The following AKAP12 variants were observed in gnomAD, a reference collection of about 807,000 sequenced individuals.
AKAP12 encodes A-kinase anchor protein 12.
In AKAP12, 32 loss-of-function variants were observed where a neutral mutation model predicts 79.9. The observed-to-expected ratio is 0.40, with a 90% CI of 0.30 to 0.54. AKAP12 has a LOEUF of 0.54. AKAP12 is among the 20% of genes least tolerant of loss of function. The pLI, the probability that AKAP12 is intolerant of heterozygous loss-of-function variation, is 0.48. For synonymous variants in AKAP12, 808 were observed against 857.0 expected, an observed-to-expected ratio of 0.94 and a Z score of 1.00; for missense variants, 2,074 against 2,177.0, an observed-to-expected ratio of 0.95 and a Z score of 0.94.
chr6:151,240,456 C>A lies in AKAP12; in HGVS notation c.-107C>A, dbSNP rs547194713. Reference sequence around the variant, plus strand: ...GCAGTCGGCTGGCGGCGAAGGAAGGCGCTCTCGGGACCTCGCGGGCGCGCG... The same window carrying A: ...GCAGTCGGCTGGCGGCGAAGGAAGGAGCTCTCGGGACCTCGCGGGCGCGCG... On this transcript the variant is annotated 5_prime_UTR_variant, in exon 2 of 5. Coordinates refer to ENST00000402676, the MANE Select transcript of AKAP12 (RefSeq NM_005100.4). 1.4e-4 allele frequency: 168 copies of A among 1,223,436 alleles called. 1 individual carries two copies. The South Asian group carries it at 2.9e-3, about 21-fold the overall frequency. 75.8% of individuals were successfully genotyped at this position (1,223,436 alleles called of 1,614,324 possible).
At chr6:151,247,357 T>C (rs1797095065) in intron 2 of AKAP12, among the ~76,000 whole-genome samples, 1 of 152,062 alleles carries the variant, frequency 6.6e-6, no homozygotes, top group Admixed American at 6.5e-5. Flanking sequence ...GCTATGATCA[T>C]GCTACTGCAC....
rs1467570413 is a variant in AKAP12 at position 151,358,130 on chromosome 6, A to G, written c.*2416A>G. 2 of 152,236 alleles carry G rather than the reference A, an allele frequency of 1.3e-5. No individual in the cohort carries two copies. Among genetic ancestry groups the G allele is most frequent in the Non-Finnish European group, 2.9e-5 (2 of 68,034 alleles). 9.4% of individuals were successfully genotyped at this position (152,236 alleles called of 1,614,324 possible). On this transcript the variant is annotated 3_prime_UTR_variant, in exon 5 of 5. Coordinates refer to ENST00000402676, the MANE Select transcript of AKAP12 (RefSeq NM_005100.4). ...GTAGCATGAAATATAATACTGTTTT[A>G]TAATTCTAAAGCTGCTGTTAATTTA...
chr6:151,315,843 C>T (rs1334031391), intron 3 of AKAP12, among the ~76,000 whole-genome samples: 1 of 152,130 alleles, frequency 6.6e-6, no homozygotes, highest in Non-Finnish European at 1.5e-5. Flanking sequence ...GCAAACACAT[C>T]CTTCTTCACA....
chr6:151,320,943 G>A (rs1312597789), intron 3 of AKAP12, among the ~76,000 whole-genome samples: 1 of 151,688 alleles, frequency 6.6e-6, no homozygotes, highest in Admixed American at 6.6e-5. Flanking sequence ...TCACAGAGTT[G>A]TATAACCACC....
At chr6:151,256,926 G>A (rs1335677997) in intron 2 of AKAP12, among the ~76,000 whole-genome samples, 5 of 134,958 alleles carry the variant, frequency 3.7e-5, no homozygotes, top group Admixed American at 1.4e-4. Context: ...TGGGATTACA[G>A]GCGTGAGCCA....
intron 2 of AKAP12, among the ~76,000 whole-genome samples, chr6:151,258,172 A>G (rs954063076): frequency 1.9e-4 from 29 of 152,360 alleles, no homozygotes; most frequent in Admixed American, 1.2e-3. Context: ...CGCTCCTGCA[A>G]TGAATACTGG....
Position 151,351,870 on chromosome 6 carries a change from C to G in AKAP12, c.3479C>G (p.Pro1160Arg). The G allele has an allele frequency of 6.2e-7, 1 of 1,614,100 alleles. No homozygotes were observed. Among genetic ancestry groups the G allele is most frequent in the Non-Finnish European group, 8.5e-7 (1 of 1,180,036 alleles). The change falls in exon 4 of 5, where the codon CCT (proline) becomes CGT (arginine). Residue 1160 changes from proline to arginine, a missense_variant. Transcript: ENST00000402676. The surrounding 1 kb of genome is among the most constrained non-coding windows in gnomAD (Gnocchi z 4.4). ...ATGGTGATGGAACAGGCTATCCCCC[C>G]TGACTCGGTGGAAACCCCTACAGAC... ...QEMVMEQAIP[P>R]DSVETPTDSE...
chr6:151,325,782 C>T (rs954313267), intron 3 of AKAP12: 1 of 1,610,600 alleles, frequency 6.2e-7, no homozygotes, highest in South Asian at 1.1e-5. Context: ...CTGCGGTTGG[C>T]AGGCAGGAGA....
At chr6:151,274,956 T>G (rs1776261257) in intron 2 of AKAP12, among the ~76,000 whole-genome samples, 1 of 151,918 alleles carries the variant, frequency 6.6e-6, no homozygotes, top group African/African-American at 2.4e-5. Context: ...ATATAAAAAT[T>G]AACCAGGCCT....
chr6:151,335,250 T>G (rs1250763368), intron 3 of AKAP12, among the ~76,000 whole-genome samples: 1 of 152,188 alleles, frequency 6.6e-6, no homozygotes, highest in Non-Finnish European at 1.5e-5. Flanking sequence ...TTTTAAAGTC[T>G]TCTACAATTT....
chr6:151,330,273 G>C (rs1448867379), intron 3 of AKAP12, among the ~76,000 whole-genome samples: 1 of 152,192 alleles, frequency 6.6e-6, no homozygotes. Context: ...GAGCAACAGA[G>C]CAAGACCCTG....
chr6:151,259,472 A>G (rs13195277), intron 2 of AKAP12, among the ~76,000 whole-genome samples: 7,374 of 72,456 alleles, frequency 0.1, 227 homozygotes, highest in East Asian at 0.19. Flanking sequence ...ATATACATGT[A>G]TATATATATA....
At chr6:151,273,915 G>A (rs1425547763) in intron 2 of AKAP12, among the ~76,000 whole-genome samples, 1 of 152,040 alleles carries the variant, frequency 6.6e-6, no homozygotes, top group East Asian at 1.9e-4. Flanking sequence ...TGTAATCCCA[G>A]CTACTCGGGA....
chr6:151,350,252 A>T lies in AKAP12; in HGVS notation c.1861A>T (p.Lys621Ter). ...ATTCAAAAAGATGGTGACGCCCAAG[A>T]AGCGTGTTAGACGGCCTTCGGAAAG... ...ASFKKMVTPK[K>*]RVRRPSESDK... The change falls in exon 4 of 5, where the codon AAG (lysine) becomes TAG (stop). Residue 621 changes from lysine (K) to a stop codon, truncating the protein, a stop_gained. Coordinates refer to ENST00000402676, the MANE Select transcript of AKAP12 (RefSeq NM_005100.4). LOFTEE classifies it high-confidence loss of function. This position sits in a 1 kb window ranked among gnomAD's most constrained non-coding sequence, Gnocchi z 4.8. The T allele has an allele frequency of 1.9e-6, 3 of 1,614,034 alleles. No individual in the cohort carries two copies. The highest frequency in any genetic ancestry group is 2.5e-6 in the Non-Finnish European group (3 of 1,179,994).
At chr6:151,280,479 T>C (rs1014207177) in intron 2 of AKAP12, 1 of 152,250 alleles carries the variant, frequency 6.6e-6, no homozygotes, top group Admixed American at 6.5e-5. Context: ...GCTTAATGCA[T>C]TCAGCTTTCA....
At chr6:151,247,179 G>T (rs1797092203) in intron 2 of AKAP12, among the ~76,000 whole-genome samples, 1 of 151,986 alleles carries the variant, frequency 6.6e-6, no homozygotes, top group East Asian at 1.9e-4. Context: ...AAGAAGGGAG[G>T]ATCACTTGAG....
intron 2 of AKAP12, among the ~76,000 whole-genome samples, chr6:151,255,758 C>G (rs1017741191): frequency 6.6e-6 from 1 of 152,104 alleles, no homozygotes; most frequent in Admixed American, 6.6e-5. Flanking sequence ...CCACTGCACT[C>G]CAGCCTGGAT....
At position 151,351,227 on chromosome 6, in the gene AKAP12, G is replaced by C. The variant is rs539593053; in HGVS notation, c.2836G>C (p.Glu946Gln). 3.1e-6 allele frequency: 5 copies of C among 1,614,212 alleles called. No individual in the cohort carries two copies. In the East Asian group the frequency reaches 6.7e-5, roughly 22 times the overall value. Residue 946 changes from glutamate (E) to glutamine (Q), a missense_variant, in exon 4 of 5, where the codon GAA becomes CAA. Glu to Gln is a conservative substitution (Grantham distance 29, BLOSUM62 2). Transcript: ENST00000402676. The surrounding 1 kb of genome is among the most constrained non-coding windows in gnomAD (Gnocchi z 4.4). ...VLEREVIAEE[E>Q]PPTVTEPLPE... The stretch of plus-strand genomic sequence containing the variant: ...GGAAAGAGAAGTAATTGCAGAAGAA[G>C]AACCCCCCACGGTTACTGAACCTCT...
chr6:151,320,458 T>C (rs1777350898), intron 3 of AKAP12, among the ~76,000 whole-genome samples: 1 of 152,098 alleles, frequency 6.6e-6, no homozygotes, highest in Non-Finnish European at 1.5e-5. Context: ...TGGACCACTG[T>C]TTCCATGTTT....
Sources: gnomAD v4.1 joint callset for allele counts (sites outside exome capture counted in the v4.1 genomes callset) on GRCh38, gnomAD v4.1.1 for gene constraint, Gnocchi (gnomAD v3.1) non-coding constraint, MANE v1.5 for transcripts, NCBI Gene and HGNC (gene_info 2026-07-23, HGNC 2026-07-21) for gene names.